Variants in VPS13B observed in about 807,000 individuals in gnomAD.
VPS13B encodes intermembrane lipid transfer protein VPS13B.
VPS13B carries 285 observed loss-of-function variants against 426.4 expected under a neutral mutation model. That is an observed-to-expected ratio of 0.67 (90% CI 0.61 to 0.74). The LOEUF (loss-of-function observed/expected upper bound fraction) is 0.74. Among genes scored for constraint, VPS13B ranks in the 30% least tolerant of loss-of-function variants. The pLI is 0.00. For missense variants in VPS13B, 4,537 were observed against 4,782.6 expected, an observed-to-expected ratio of 0.95 and a Z score of 1.51; for synonymous variants, 1,676 against 1,676.4, an observed-to-expected ratio of 1.00 and a Z score of 0.01.
In VPS13B at chr8:99,832,557, G is replaced by A; in HGVS notation, c.9519G>A (p.Gln3173=). ...FSPAPGADSS[Q]CWSLPAIVRP... ...CTGCCCCAGGTGCTGACAGCTCACA[G>A]TGCTGGAGCCTGCCAGCTATAGTTA... The change falls in exon 52 of 62, where the codon CAG becomes CAA. Residue 3173 remains glutamine (Q), a synonymous_variant. Coordinates refer to ENST00000357162, the MANE Select transcript of VPS13B (RefSeq NM_152564.5). 1 of 1,613,882 alleles carries A rather than the reference G, an allele frequency of 6.2e-7. No individual in the cohort carries two copies. Among genetic ancestry groups the A allele is most frequent in the South Asian group, 1.1e-5 (1 of 91,072 alleles).
rs770497996 is a variant in VPS13B at position 99,575,676 on chromosome 8, AAGG to A, written c.4971_4973del (p.Arg1658del). ...CTTTTAGCATACGGCGGCATCAAGA[AAGG>A]AGAGCAATTTTGACCCCCGTTTTGA... On this transcript the variant is annotated inframe_deletion, in exon 32 of 62. Coordinates refer to ENST00000357162, the MANE Select transcript of VPS13B (RefSeq NM_152564.5). 6 of 1,613,946 alleles carry A rather than the reference AAGG, an allele frequency of 3.7e-6. No homozygotes were observed. The highest frequency in any genetic ancestry group is 1.1e-5 in the South Asian group (1 of 91,072).
At chr8:99,492,564 C>T (rs1820671004) in intron 25 of VPS13B, among the ~76,000 whole-genome samples, 1 of 152,186 alleles carries the variant, frequency 6.6e-6, no homozygotes, top group Admixed American at 6.5e-5. Context: ...TTACTGAAGC[C>T]TCAGCAATGG....
chr8:99,024,037 CTCTTT>C (rs1289005223), intron 2 of VPS13B, among the ~76,000 whole-genome samples: 1 of 151,988 alleles, frequency 6.6e-6, no homozygotes, highest in South Asian at 2.1e-4. Context: ...TGTAAGTGTT[CTCTTT>C]TCTTTATATC....
chr8:99,406,401 G>A (rs994060718), intron 21 of VPS13B, among the ~76,000 whole-genome samples: 1 of 152,092 alleles, frequency 6.6e-6, no homozygotes, highest in Non-Finnish European at 1.5e-5. Context: ...ATTCAGAGAT[G>A]TAAAACTCTC....
Position 99,205,419 on chromosome 8 carries a change from G to A in VPS13B, c.2515+12362G>A, listed in dbSNP as rs542406985. 7.2e-5 allele frequency among the ~76,000 whole-genome samples: 11 copies of A among 152,146 alleles called. No individual in the cohort carries two copies. In the South Asian group the frequency reaches 1.9e-3, roughly 26 times the overall value. ...ATCTAATGTAGATGACGGGTTGATG[G>A]GTGGCTCGAACCACCATGGTACGTG... On this transcript the variant is annotated intron_variant, in intron 17 of 61. Coordinates refer to ENST00000357162, the MANE Select transcript of VPS13B (RefSeq NM_152564.5).
chr8:99,108,742 G>A (rs1050679671), intron 5 of VPS13B, among the ~76,000 whole-genome samples: 105 of 152,034 alleles, frequency 6.9e-4, no homozygotes, highest in African/African-American at 2.4e-3. Flanking sequence ...TTTGCTTGGG[G>A]TTGCTTTGAG....
intron 39 of VPS13B, among the ~76,000 whole-genome samples, chr8:99,723,795 T>C (rs1361947298): frequency 6.6e-6 from 1 of 152,156 alleles, no homozygotes; most frequent in Non-Finnish European, 1.5e-5. Flanking sequence ...ATGAAGATCC[T>C]ATATGTGGGC....
intron 19 of VPS13B, among the ~76,000 whole-genome samples, chr8:99,350,777 T>G (rs1210178707): frequency 6.6e-6 from 1 of 151,768 alleles, no homozygotes; most frequent in African/African-American, 2.4e-5. Context: ...AATATGAATA[T>G]GCAATATGTA....
intron 19 of VPS13B, among the ~76,000 whole-genome samples, chr8:99,372,095 C>A (rs1255945066): frequency 8.6e-5 from 13 of 151,454 alleles, no homozygotes; most frequent in Admixed American, 7.9e-4. Context: ...ACTAAAAATA[C>A]AAAAAATTAG....
intron 17 of VPS13B, among the ~76,000 whole-genome samples, chr8:99,212,558 A>G (rs1815150670): frequency 1.3e-5 from 2 of 152,214 alleles, no homozygotes; most frequent in Admixed American, 6.5e-5. Context: ...GAGCTGAGAA[A>G]TCTCAGAGAA....
chr8:99,170,045 G>T lies in VPS13B; in HGVS notation c.2215G>T (p.Gly739Cys). The change falls in exon 16 of 62, where the codon GGT becomes TGT. Residue 739 changes from glycine to cysteine, a missense_variant. Around this residue, in one of 2 missense-constraint regions of VPS13B, gnomAD observed 4,311 missense variants for 4,474.3 expected, o/e 0.96. Transcript: ENST00000357162. ...CYVHCYLKIF[G>C]FQAGLTSLDC... is the part of the protein sequence containing the mutation. ...TCTTTTCTTTTTGTTTTAGATATTT[G>T]GTTTCCAGGCAGGACTGACGTCTTT... 6.2e-7 allele frequency: 1 copy of T among 1,612,538 alleles called. No homozygotes were observed. The highest frequency in any genetic ancestry group is 8.5e-7 in the Non-Finnish European group (1 of 1,178,808).
At chr8:99,340,685 G>A in intron 19 of VPS13B, 3 of 390,030 alleles carry the variant, frequency 7.7e-6, no homozygotes, top group South Asian at 6.6e-5. Context: ...TGAAGATGAT[G>A]CACAGGTGTT....
chr8:99,416,236 A>C (rs1382361306), intron 21 of VPS13B, among the ~76,000 whole-genome samples: 1 of 152,018 alleles, frequency 6.6e-6, no homozygotes, highest in African/African-American at 2.4e-5. Flanking sequence ...TCACCTATTC[A>C]AGCCTCAGTA....
At chr8:99,383,668 C>CT (rs1813959558) in intron 19 of VPS13B, among the ~76,000 whole-genome samples, 1 of 152,224 alleles carries the variant, frequency 6.6e-6, no homozygotes, top group African/African-American at 2.4e-5. Context: ...CTTTTTGTCT[C>CT]TATGTTTTTG....
In VPS13B at chr8:99,809,368, T is replaced by C. The variant is rs200896111; in HGVS notation, c.7942-7T>C. 8 of 1,613,954 alleles carry C rather than the reference T, an allele frequency of 5.0e-6. No individual in the cohort carries two copies. In the East Asian group the frequency reaches 1.6e-4, roughly 32 times the overall value. ...GGCATTATGACGATTATTGTTTTTT[T>C]CTCCAGCTGTTACACATCTGTATTG... On this transcript the variant is annotated splice_region_variant and splice_polypyrimidine_tract_variant and intron_variant, in intron 43 of 61. Coordinates refer to ENST00000357162, the MANE Select transcript of VPS13B (RefSeq NM_152564.5).
At position 99,159,975 on chromosome 8, in the gene VPS13B, T is replaced by A. The variant is rs185922868; in HGVS notation, c.2208+3232T>A. 2.6e-3 allele frequency among the ~76,000 whole-genome samples: 395 copies of A among 152,266 alleles called. 1 individual carries two copies. Among genetic ancestry groups the A allele is most frequent in the Non-Finnish European group, 4.8e-3 (325 of 68,012 alleles). On this transcript the variant is annotated intron_variant, in intron 15 of 61. Coordinates refer to ENST00000357162, the MANE Select transcript of VPS13B (RefSeq NM_152564.5). ...GCCCAGCCAATAAAGTGCTTTTTAT[T>A]TAAGGTATATAAGTTTTTTTTTTTG...
chr8:99,321,838 A>G (rs886747505), intron 19 of VPS13B, among the ~76,000 whole-genome samples: 1 of 152,232 alleles, frequency 6.6e-6, no homozygotes, highest in Non-Finnish European at 1.5e-5. Flanking sequence ...AACGTAATAC[A>G]TATTTAGTTG....
At chr8:99,145,824 G>T (rs558624192) in intron 13 of VPS13B, among the ~76,000 whole-genome samples, 1 of 152,296 alleles carries the variant, frequency 6.6e-6, no homozygotes, top group Non-Finnish European at 1.5e-5. Context: ...AGGATAAATT[G>T]CTGGGTCATA....
In VPS13B at chr8:99,462,363, C is replaced by T. The variant is rs142046698; in HGVS notation, c.3446-5051C>T. ...ATTAGAACTTTTTTTTTATTCTTGA[C>T]ATCATTGGTTGATTCCTTCTTAAAT... is the stretch of plus-strand genomic sequence containing the variant. On this transcript the variant is annotated intron_variant, in intron 23 of 61. Transcript: ENST00000357162. Among the ~76,000 whole-genome samples, 43 of 152,136 alleles carry T rather than the reference C, an allele frequency of 2.8e-4. No homozygotes were observed. The East Asian group carries it at 5.0e-3, about 18-fold the overall frequency.
Sources: gnomAD v4.1 joint callset for allele counts (sites outside exome capture counted in the v4.1 genomes callset) on GRCh38, gnomAD v4.1.1 for gene constraint, gnomAD v4.1.1 regional missense constraint, MANE v1.5 for transcripts, NCBI Gene and HGNC (gene_info 2026-07-23, HGNC 2026-07-21) for gene names.